The following CRB1 variants were observed in gnomAD, a reference collection of about 807,000 sequenced individuals.
The protein encoded by CRB1 is protein crumbs homolog 1.
CRB1 carries 83 observed loss-of-function variants against 120.0 expected under a neutral mutation model. That is an observed-to-expected ratio of 0.69 (90% confidence interval 0.58 to 0.83). CRB1 has a LOEUF of 0.83. Among genes scored for constraint, CRB1 ranks in the 40% least tolerant of loss-of-function variants. The pLI is 0.00. For synonymous variants in CRB1, 625 were observed against 612.5 expected, an observed-to-expected ratio of 1.02 and a Z score of -0.30; for missense variants, 1,699 against 1,687.6, an observed-to-expected ratio of 1.01 and a Z score of -0.12.
At chr1:197,407,855 G>A (rs1464389653) in intron 5 of CRB1, among the ~76,000 whole-genome samples, 1 of 152,046 alleles carries the variant, frequency 6.6e-6, no homozygotes, top group Non-Finnish European at 1.5e-5. Context: ...GTCCATTCAT[G>A]GATACATTAG....
At chr1:197,231,553 G>A in the CRB1 span, among the ~76,000 whole-genome samples, 1 of 152,136 alleles carries the variant, frequency 6.6e-6, no homozygotes, top group South Asian at 2.1e-4. Flanking sequence ...AACAGTGCAA[G>A]CATGCTGATA....
At chr1:197,272,225 A>C (rs1654946156) in intron 1 of CRB1, among the ~76,000 whole-genome samples, 1 of 152,144 alleles carries the variant, frequency 6.6e-6, no homozygotes, top group Non-Finnish European at 1.5e-5. Flanking sequence ...TTACTGTGCA[A>C]GTTAATATCC....
intron 1 of CRB1, among the ~76,000 whole-genome samples, chr1:197,315,208 T>C (rs1056162364): frequency 2.6e-5 from 4 of 152,194 alleles, no homozygotes; most frequent in Admixed American, 2.6e-4. Context: ...TTTTTAGTTG[T>C]TTACATCAGG....
intron 4 of CRB1, among the ~76,000 whole-genome samples, chr1:197,356,392 T>C (rs1052529640): frequency 1.3e-5 from 2 of 152,248 alleles, no homozygotes; most frequent in Non-Finnish European, 2.9e-5. Flanking sequence ...TTCTGTTTCA[T>C]TGAATGCTAT....
At chr1:197,437,222 G>T (rs971581993) in intron 9 of CRB1, among the ~76,000 whole-genome samples, 3 of 152,082 alleles carry the variant, frequency 2.0e-5, no homozygotes, top group Non-Finnish European at 4.4e-5. Context: ...TACCTTAATT[G>T]CATGAATCTC....
In CRB1 at chr1:197,328,425, C is replaced by A; in HGVS notation, c.74C>A (p.Ser25Tyr). ...GTTACTTTTTATTTCCTTGTAGATTCCTTTTGCAATAAAAACAACACCAGG... is the reference window on the plus strand; with the variant it reads ...GTTACTTTTTATTTCCTTGTAGATTACTTTTGCAATAAAAACAACACCAGG... ...SFSLLIYIKN[S>Y]FCNKNNTRCL... is the part of the protein sequence containing the mutation. The change falls in exon 2 of 12, where the codon TCC (serine) becomes TAC (tyrosine). Residue 25 changes from serine (S) to tyrosine (Y), a missense_variant. Transcript: ENST00000367400. The A allele has an allele frequency of 6.2e-7, 1 of 1,608,794 alleles. No individual in the cohort carries two copies. The highest frequency in any genetic ancestry group is 1.1e-5 in the South Asian group (1 of 90,880).
rs1418893083 is a variant in CRB1 at position 197,427,685 on chromosome 1, T to C, written c.2360T>C (p.Val787Ala). The C allele has an allele frequency of 1.9e-6, 3 of 1,613,772 alleles. No homozygotes were observed. The highest frequency in any genetic ancestry group is 4.5e-5 in the East Asian group (2 of 44,898). Residue 787 changes from valine to alanine, a missense_variant, in exon 7 of 12, where the codon GTT becomes GCT. Transcript: ENST00000367400. The stretch of plus-strand genomic sequence containing the variant: ...TCTCCCAAATTAGTAGTAAAATTTG[T>C]TCTTAATGATGGAAATGTCCACTTG... Reference protein sequence around the residue: ...PNSPKLVVKFVLNDGNVHLIS... With the variant: ...PNSPKLVVKFALNDGNVHLIS...
chr1:197,417,804 C>G (rs965329269), intron 5 of CRB1, among the ~76,000 whole-genome samples: 1 of 152,044 alleles, frequency 6.6e-6, no homozygotes, highest in Non-Finnish European at 1.5e-5. Flanking sequence ...TTCTAGGGGA[C>G]AAAACACATA....
intron 1 of CRB1, among the ~76,000 whole-genome samples, chr1:197,301,700 A>G (rs556898372): frequency 1.3e-5 from 2 of 152,262 alleles, no homozygotes; most frequent in South Asian, 4.1e-4. Flanking sequence ...AACATTAACA[A>G]GAGTTGGAAG....
intron 5 of CRB1, among the ~76,000 whole-genome samples, chr1:197,377,115 C>T (rs963200862): frequency 3.3e-5 from 5 of 152,128 alleles, no homozygotes; most frequent in African/African-American, 1.2e-4. Flanking sequence ...CCTCTCTCTG[C>T]ACCCCAACAC....
At chr1:197,382,807 A>G (rs937520572) in intron 5 of CRB1, among the ~76,000 whole-genome samples, 3 of 152,208 alleles carry the variant, frequency 2.0e-5, no homozygotes, top group Non-Finnish European at 2.9e-5. Context: ...ATAAGCAGAC[A>G]ATAATCCCTG....
At chr1:197,245,481 C>A in the CRB1 span, among the ~76,000 whole-genome samples, 7 of 152,116 alleles carry the variant, frequency 4.6e-5, no homozygotes, top group African/African-American at 1.7e-4. Flanking sequence ...GCATTCCAGC[C>A]TGGGAGGCAA....
intron 4 of CRB1, among the ~76,000 whole-genome samples, chr1:197,350,189 T>G (rs1397459908): frequency 1.3e-5 from 2 of 151,882 alleles, no homozygotes; most frequent in East Asian, 3.9e-4. Flanking sequence ...ATGAAAGATC[T>G]CTGTCCAGAA....
At chr1:197,433,225 G>A (rs1571552627) in intron 8 of CRB1, among the ~76,000 whole-genome samples, 2 of 152,008 alleles carry the variant, frequency 1.3e-5, no homozygotes, top group African/African-American at 2.4e-5. Context: ...TAGAATTTAG[G>A]ATTTCTTTTA....
the CRB1 span, among the ~76,000 whole-genome samples, chr1:197,239,150 G>T: frequency 2.4e-4 from 37 of 151,988 alleles, no homozygotes; most frequent in African/African-American, 8.5e-4. Flanking sequence ...GTCTATCCGG[G>T]TATATCTTCC....
At chr1:197,221,042 G>T in the CRB1 span, among the ~76,000 whole-genome samples, 1 of 152,184 alleles carries the variant, frequency 6.6e-6, no homozygotes, top group African/African-American at 2.4e-5. Flanking sequence ...CTTCTAACGG[G>T]CAGGCTAAAC....
At chr1:197,283,772 C>A (rs937260606) in intron 1 of CRB1, among the ~76,000 whole-genome samples, 5 of 150,572 alleles carry the variant, frequency 3.3e-5, no homozygotes, top group Non-Finnish European at 7.4e-5. Context: ...GTAAGTAGGC[C>A]AAAAATCTTC....
intron 6 of CRB1, 152 bp from the exon 7 acceptor site, chr1:197,427,302 C>A: frequency 1.6e-6 from 1 of 643,924 alleles, no homozygotes; most frequent in East Asian, 2.7e-5. Flanking sequence ...TTTAATAAAC[C>A]TGTCCTGAAC....
At chr1:197,211,615 T>G in the CRB1 span, among the ~76,000 whole-genome samples, 1 of 152,200 alleles carries the variant, frequency 6.6e-6, no homozygotes, top group Admixed American at 6.5e-5. Context: ...TGAAAATCAC[T>G]TCCCAAAATG....
Sources: allele counts gnomAD v4.1 joint callset (sites outside exome capture counted in the v4.1 genomes callset), GRCh38; gene constraint gnomAD v4.1.1; transcripts MANE v1.5; gene names NCBI Gene and HGNC (gene_info 2026-07-23, HGNC 2026-07-21).